Variants in LONRF2 observed in about 807,000 individuals in gnomAD.
LONRF2 encodes the protein LON peptidase N-terminal domain and ring finger 2.
In LONRF2, 35 loss-of-function variants were observed where a neutral mutation model predicts 66.6. That is an observed-to-expected ratio of 0.53 (90% CI 0.40 to 0.70). LONRF2 has a LOEUF of 0.70. Ranked by LOEUF, LONRF2 falls within the 30% of genes least tolerant of loss-of-function variation. The probability of loss-of-function intolerance (pLI) is 0.00; values close to 1 mark genes in which losing one functional copy is unlikely to be tolerated. For synonymous variants in LONRF2, 417 were observed against 418.1 expected (o/e 1.00, Z 0.03); for missense variants, 902 against 1,002.1 (o/e 0.90, Z 1.35).
intron 9 of LONRF2, among the ~76,000 whole-genome samples, chr2:100,292,260 T>C (rs982747369): frequency 6.6e-6 from 1 of 152,172 alleles, no homozygotes; most frequent in Admixed American, 6.5e-5. Flanking sequence ...CCTCCAAGCC[T>C]GCCTTGCTGC....
rs1299708028 is a variant in LONRF2 at position 100,274,732 on chromosome 2, C to T, written c.*9566G>A. 1 of 152,870 alleles carries T rather than the reference C, an allele frequency of 6.5e-6. No homozygotes were observed. The highest frequency in any genetic ancestry group is 2.4e-5 in the African/African-American group (1 of 41,468). 9.5% of individuals were successfully genotyped at this position (152,870 alleles called of 1,614,324 possible). On this transcript the variant is annotated 3_prime_UTR_variant, in exon 12 of 12. Transcript: ENST00000393437. ...GCCCAAGACATTCAAACCTGCCAAT[C>T]CTACACTCTGCCCCCGCCCATCTTC...
At chr2:100,303,934 A>G (rs1055229146) in intron 2 of LONRF2, among the ~76,000 whole-genome samples, 5 of 152,084 alleles carry the variant, frequency 3.3e-5, no homozygotes, top group South Asian at 2.1e-4. Context: ...TGAGATTCCA[A>G]TTGCACATAC....
chr2:100,279,549 G>A lies in LONRF2; in HGVS notation c.*4749C>T, dbSNP rs1674669059. On this transcript the variant is annotated 3_prime_UTR_variant, in exon 12 of 12. Transcript: ENST00000393437. ...ATGTCAAAACAGCAGAGGACCAATT[G>A]TATTAATCATGATTTCTATATTTTA... 1 of 152,128 alleles carries A rather than the reference G, an allele frequency of 6.6e-6. No individual in the cohort carries two copies. Among genetic ancestry groups the A allele is most frequent in the Admixed American group, 6.5e-5 (1 of 15,270 alleles). The allele number at this position is 152,128 out of a possible 1,614,324, so 9.4% of individuals were successfully genotyped here. A position where few individuals can be genotyped will look rare whatever the true frequency, so the allele number is the denominator to read the frequency against.
At position 100,280,729 on chromosome 2, in the gene LONRF2, C is replaced by CG. The variant is rs1259011739; in HGVS notation, c.*3568dup. 2 of 152,142 alleles carry CG rather than the reference C, an allele frequency of 1.3e-5. No homozygotes were observed. Among genetic ancestry groups the CG allele is most frequent in the African/African-American group, 2.4e-5 (1 of 41,370 alleles). The allele number at this position is 152,142 out of a possible 1,614,324, so 9.4% of individuals were successfully genotyped here. A position where few individuals can be genotyped will look rare whatever the true frequency, so the allele number is the denominator to read the frequency against. ...CCAGGAGGCGGAGGTTGTGGTGAGACGAGATTGCGCCATTGCACTCCAGCC... is the reference window on the plus strand; with the variant it reads ...CCAGGAGGCGGAGGTTGTGGTGAGACGGAGATTGCGCCATTGCACTCCAGCC... On this transcript the variant is annotated 3_prime_UTR_variant, in exon 12 of 12. Transcript: ENST00000393437.
At chr2:100,290,527 C>T (rs542468105) in intron 9 of LONRF2, 107 bp from the exon 10 acceptor site, 2 of 1,136,182 alleles carry the variant, frequency 1.8e-6, no homozygotes, top group Non-Finnish European at 2.5e-6. Flanking sequence ...CCACACAAAA[C>T]AGTGTCTCCA....
rs1674706788 is a variant in LONRF2 at position 100,281,017 on chromosome 2, CAAG to C, written c.*3278_*3280del. 1 of 152,012 alleles carries C rather than the reference CAAG, an allele frequency of 6.6e-6. No homozygotes were observed. The highest frequency in any genetic ancestry group is 6.5e-5 in the Admixed American group (1 of 15,272). 9.4% of individuals were successfully genotyped at this position (152,012 alleles called of 1,614,324 possible). A position where few individuals can be genotyped will look rare whatever the true frequency, so the allele number is the denominator to read the frequency against. On this transcript the variant is annotated 3_prime_UTR_variant, in exon 12 of 12. Coordinates refer to ENST00000393437, the MANE Select transcript of LONRF2 (RefSeq NM_198461.4). ...TTAAGTGGTGGGGCACAAAAGAAAACAAGAAGGAGAAGAAACAGATGGGTATTT... is the reference window on the plus strand; with the variant it reads ...TTAAGTGGTGGGGCACAAAAGAAAACAAGGAGAAGAAACAGATGGGTATTT...
intron 9 of LONRF2, among the ~76,000 whole-genome samples, chr2:100,292,865 C>G (rs193183112): frequency 6.6e-6 from 1 of 152,176 alleles, no homozygotes; most frequent in Admixed American, 6.5e-5. Context: ...TAAGGTAAAG[C>G]TTTTTCCCCC....
At position 100,277,647 on chromosome 2, in the gene LONRF2, T is replaced by G. The variant is rs576682925; in HGVS notation, c.*6651A>C. Reference sequence around the variant, plus strand: ...TAAATGATGGAGCCCAAGAGAATGTTGCTGCTTCCCATCTTTTAGCCAGCA... The same window carrying G: ...TAAATGATGGAGCCCAAGAGAATGTGGCTGCTTCCCATCTTTTAGCCAGCA... On this transcript the variant is annotated 3_prime_UTR_variant, in exon 12 of 12. Coordinates refer to ENST00000393437, the MANE Select transcript of LONRF2 (RefSeq NM_198461.4). 1 of 152,274 alleles carries G rather than the reference T, an allele frequency of 6.6e-6. No homozygotes were observed. Among genetic ancestry groups the G allele is most frequent in the African/African-American group, 2.4e-5 (1 of 41,556 alleles). 9.4% of individuals were successfully genotyped at this position (152,274 alleles called of 1,614,324 possible).
intron 1 of LONRF2, among the ~76,000 whole-genome samples, chr2:100,310,225 G>A (rs868237021): frequency 4.6e-4 from 70 of 152,174 alleles, no homozygotes; most frequent in African/African-American, 1.4e-3. Flanking sequence ...GGAAAAGGCT[G>A]GAAGCCAGAC....
intron 4 of LONRF2, 99 bp from the exon 5 acceptor site, chr2:100,300,017 A>AC: frequency 2.4e-6 from 1 of 417,144 alleles, no homozygotes; most frequent in African/African-American, 3.2e-5. Context: ...TTGGAAAAAA[A>AC]AAGGGGGGGG....
chr2:100,321,728 G>A lies in LONRF2; in HGVS notation c.366C>T (p.Pro122=). 1 of 1,127,740 alleles carries A rather than the reference G, an allele frequency of 8.9e-7. No homozygotes were observed. The highest frequency in any genetic ancestry group is 1.1e-6 in the Non-Finnish European group (1 of 923,978). 69.9% of individuals were successfully genotyped at this position (1,127,740 alleles called of 1,614,324 possible). A position where few individuals can be genotyped will look rare whatever the true frequency, so the allele number is the denominator to read the frequency against. ...CCGGCCCTCCCTCGCCGGGCGCCTCGGGCTCGCCGCCCGGGTTCTCCGCGG... is the reference window on the plus strand; with the variant it reads ...CCGGCCCTCCCTCGCCGGGCGCCTCAGGCTCGCCGCCCGGGTTCTCCGCGG... The part of the protein sequence containing the change: ...PLSAENPGGE[P]EAPGEGGPAP... Residue 122 remains proline, a synonymous_variant, in exon 1 of 12, where the codon CCC becomes CCT. Transcript: ENST00000393437.
intron 1 of LONRF2, among the ~76,000 whole-genome samples, chr2:100,315,443 C>T (rs1305521202): frequency 6.6e-6 from 1 of 152,118 alleles, no homozygotes; most frequent in Non-Finnish European, 1.5e-5. Context: ...ACATAGCTAT[C>T]TAGAATCTCC....
At chr2:100,287,371 C>T (rs770038838) in intron 10 of LONRF2, among the ~76,000 whole-genome samples, 5 of 152,058 alleles carry the variant, frequency 3.3e-5, no homozygotes, top group African/African-American at 4.8e-5. Context: ...TAACTATTCA[C>T]GTAAGTTATT....
At chr2:100,306,238 C>A (rs1675289117) in intron 2 of LONRF2, among the ~76,000 whole-genome samples, 1 of 150,004 alleles carries the variant, frequency 6.7e-6, no homozygotes, top group South Asian at 2.1e-4. Flanking sequence ...ATTAAGAATA[C>A]AAAGTTGCTA....
At chr2:100,290,732 C>T (rs188460603) in intron 9 of LONRF2, among the ~76,000 whole-genome samples, 144 of 152,296 alleles carry the variant, frequency 9.5e-4, no homozygotes, top group Middle Eastern at 3.4e-3. Flanking sequence ...TCAAATGTGG[C>T]TCCTCAGCCA....
rs11892034 is a variant in LONRF2 at position 100,322,490 on chromosome 2, T to C, written c.-397A>G. 65,283 of 158,926 alleles carry C rather than the reference T, an allele frequency of 0.41. 15,097 individuals are homozygous for C. Among genetic ancestry groups the C allele is most frequent in the East Asian group, 0.76 (4,160 of 5,478 alleles). 9.8% of individuals were successfully genotyped at this position (158,926 alleles called of 1,614,324 possible). ...ATGCTTCCCCCACTCGCCTGAGGGC[T>C]CCTGCGCGACTGCGCGCGCGTCCTC... On this transcript the variant is annotated 5_prime_UTR_variant, in exon 1 of 12. Transcript: ENST00000393437.
chr2:100,290,876 C>T (rs970634933), intron 9 of LONRF2, among the ~76,000 whole-genome samples: 4 of 152,192 alleles, frequency 2.6e-5, no homozygotes, highest in Admixed American at 6.5e-5. Flanking sequence ...CATGCTACCA[C>T]GTGCCAAGCA....
chr2:100,305,642 T>C (rs1312484921), intron 2 of LONRF2, among the ~76,000 whole-genome samples: 1 of 152,194 alleles, frequency 6.6e-6, no homozygotes, highest in Non-Finnish European at 1.5e-5. Context: ...AGAGCAGCCA[T>C]TTCAAAAGAC....
rs1573107123 is a variant in LONRF2 at position 100,283,172 on chromosome 2, C to T, written c.*1126G>A. Reference sequence around the variant, plus strand: ...TACAGGATGGAAGTCATACTACTGTCCTTTAACAGATAACACCTGGTCTGA... The same window carrying T: ...TACAGGATGGAAGTCATACTACTGTTCTTTAACAGATAACACCTGGTCTGA... On this transcript the variant is annotated 3_prime_UTR_variant, in exon 12 of 12. Coordinates refer to ENST00000393437, the MANE Select transcript of LONRF2 (RefSeq NM_198461.4). 1 of 152,222 alleles carries T rather than the reference C, an allele frequency of 6.6e-6. No individual in the cohort carries two copies. The highest frequency in any genetic ancestry group is 1.9e-4 in the East Asian group (1 of 5,186). 9.4% of individuals were successfully genotyped at this position (152,222 alleles called of 1,614,324 possible). A position where few individuals can be genotyped will look rare whatever the true frequency, so the allele number is the denominator to read the frequency against.
Sources: gnomAD v4.1 joint callset for allele counts (sites outside exome capture counted in the v4.1 genomes callset) on GRCh38, gnomAD v4.1.1 for gene constraint, MANE v1.5 for transcripts, NCBI Gene and HGNC (gene_info 2026-07-23, HGNC 2026-07-21) for gene names.